SORCS1: variants seen among roughly 807,000 people sequenced by gnomAD.
The protein encoded by SORCS1 is VPS10 domain-containing receptor SorCS1.
A neutral mutation model predicts 146.1 loss-of-function variants in SORCS1; 60 were observed. The observed-to-expected ratio is 0.41, with a 90% CI of 0.33 to 0.51. The LOEUF is 0.51. SORCS1 is among the 20% of genes least tolerant of loss of function. SORCS1 has a pLI of 0.21. For synonymous variants in SORCS1, 637 were observed against 584.0 expected (o/e 1.09, Z -1.31); for missense variants, 1,352 against 1,487.6 (o/e 0.91, Z 1.50).
intron 1 of SORCS1, among the ~76,000 whole-genome samples, chr10:106,962,146 T>C (rs991637345): frequency 2.0e-5 from 3 of 152,074 alleles, no homozygotes; most frequent in Non-Finnish European, 4.4e-5. Context: ...ATGCCTGTAA[T>C]CCCAGCAATT....
chr10:106,932,784 A>G (rs1393859507), intron 2 of SORCS1, among the ~76,000 whole-genome samples: 1 of 152,206 alleles, frequency 6.6e-6, no homozygotes, highest in Admixed American at 6.5e-5. Flanking sequence ...GTTTGTGCCA[A>G]CACAGTTGCA....
chr10:107,100,053 T>C (rs894625463), intron 1 of SORCS1, among the ~76,000 whole-genome samples: 2 of 152,224 alleles, frequency 1.3e-5, no homozygotes, highest in African/African-American at 4.8e-5. Flanking sequence ...GCAATCTTTC[T>C]GGGTCACATA....
At chr10:107,078,079 T>C (rs1963033690) in intron 1 of SORCS1, among the ~76,000 whole-genome samples, 1 of 152,202 alleles carries the variant, frequency 6.6e-6, no homozygotes, top group Admixed American at 6.5e-5. Flanking sequence ...TTAGAAAATT[T>C]TAAGGAACAC....
At chr10:106,733,676 A>G (rs1401012420) in intron 5 of SORCS1, among the ~76,000 whole-genome samples, 1 of 152,184 alleles carries the variant, frequency 6.6e-6, no homozygotes, top group East Asian at 1.9e-4. Context: ...ATAATCATCA[A>G]AGAAAAACAG....
intron 9 of SORCS1, among the ~76,000 whole-genome samples, chr10:106,689,610 C>T (rs1356779476): frequency 2.6e-5 from 4 of 152,070 alleles, no homozygotes; most frequent in Admixed American, 2.0e-4. Context: ...CTCTCCAGAC[C>T]TCGCCAAACG....
intron 1 of SORCS1, among the ~76,000 whole-genome samples, chr10:107,042,096 G>A (rs1195303640): frequency 6.6e-6 from 1 of 152,102 alleles, no homozygotes; most frequent in Admixed American, 6.5e-5. Flanking sequence ...AAACTCTTAA[G>A]CACATCTCCT....
At chr10:106,602,095 CAGTAG>C in intron 23 of SORCS1, among the ~76,000 whole-genome samples, 1 of 152,136 alleles carries the variant, frequency 6.6e-6, no homozygotes, top group Middle Eastern at 3.2e-3. Flanking sequence ...GTTTTAAGGA[CAGTAG>C]AGTAGTTTAT....
chr10:106,634,299 C>A (rs1408212188), intron 18 of SORCS1, among the ~76,000 whole-genome samples: 1 of 152,138 alleles, frequency 6.6e-6, no homozygotes. Flanking sequence ...TGCGAATGAT[C>A]CTTTTTAGTT....
intron 3 of SORCS1, among the ~76,000 whole-genome samples, chr10:106,822,448 G>A (rs1240472549): frequency 2.0e-5 from 3 of 152,114 alleles, no homozygotes; most frequent in Non-Finnish European, 2.9e-5. Flanking sequence ...CTCCAACCCT[G>A]TTTCAAAGAG....
chr10:106,641,979 GA>G (rs1447240391), intron 18 of SORCS1, among the ~76,000 whole-genome samples: 1 of 152,076 alleles, frequency 6.6e-6, no homozygotes, highest in East Asian at 1.9e-4. Flanking sequence ...AAAAGTACAT[GA>G]TATAAAATTG....
intron 2 of SORCS1, among the ~76,000 whole-genome samples, chr10:106,899,813 A>G (rs1951633296): frequency 6.6e-6 from 1 of 152,120 alleles, no homozygotes; most frequent in African/African-American, 2.4e-5. Flanking sequence ...AGATTCAACA[A>G]TTACCACTTG....
chr10:106,802,514 T>C (rs1035208895), intron 3 of SORCS1, among the ~76,000 whole-genome samples: 19 of 146,414 alleles, frequency 1.3e-4, no homozygotes, highest in South Asian at 4.3e-4. Flanking sequence ...TTTTTTTTTT[T>C]CGAGATGGAG....
intron 1 of SORCS1, among the ~76,000 whole-genome samples, chr10:107,101,197 C>T (rs1357306293): frequency 2.0e-5 from 3 of 152,142 alleles, no homozygotes; most frequent in African/African-American, 4.8e-5. Context: ...TAGCCTGCCA[C>T]CACACCTGGC....
chr10:106,774,330 C>T (rs80097636), intron 4 of SORCS1, among the ~76,000 whole-genome samples: 1 of 152,038 alleles, frequency 6.6e-6, no homozygotes, highest in African/African-American at 2.4e-5. Flanking sequence ...TCTCTGGATG[C>T]AAATTTCTGA....
intron 9 of SORCS1, among the ~76,000 whole-genome samples, chr10:106,694,789 C>A (rs1411353660): frequency 1.3e-5 from 2 of 152,234 alleles, no homozygotes; most frequent in African/African-American, 4.8e-5. Flanking sequence ...CCAGGGCTCA[C>A]TCATGTATGC....
intron 1 of SORCS1, among the ~76,000 whole-genome samples, chr10:107,137,454 T>C (rs1210974113): frequency 6.6e-6 from 1 of 152,206 alleles, no homozygotes; most frequent in Non-Finnish European, 1.5e-5. Context: ...CAGACTAGCC[T>C]ACATCCCCTC....
intron 3 of SORCS1, among the ~76,000 whole-genome samples, chr10:106,802,949 T>A (rs11596343): frequency 0.46 from 69,788 of 152,026 alleles, 16,281 homozygotes; most frequent in African/African-American, 0.55. Context: ...CAGTATTTTT[T>A]AAAACTTCGT....
intron 2 of SORCS1, among the ~76,000 whole-genome samples, chr10:106,946,611 T>A (rs1954359517): frequency 6.6e-6 from 1 of 152,250 alleles, no homozygotes; most frequent in South Asian, 2.1e-4. Context: ...GTGAGTCAAT[T>A]AAACCTCTTT....
chr10:106,677,653 A>G (rs1434390205), intron 12 of SORCS1, among the ~76,000 whole-genome samples: 2 of 152,220 alleles, frequency 1.3e-5, no homozygotes, highest in Non-Finnish European at 2.9e-5. Context: ...GTTCATGCTT[A>G]GATTCCTTCA....
Sources: allele counts gnomAD v4.1 joint callset (sites outside exome capture counted in the v4.1 genomes callset), GRCh38; gene constraint gnomAD v4.1.1; transcripts MANE v1.5; gene names NCBI Gene and HGNC (gene_info 2026-07-23, HGNC 2026-07-21).